Variants in LRRTM4 observed in about 807,000 individuals in gnomAD.
LRRTM4 encodes the protein leucine-rich repeat transmembrane neuronal protein 4.
LRRTM4 carries 25 observed loss-of-function variants against 47.6 expected under a neutral mutation model. The observed-to-expected ratio is 0.53, with a 90% CI of 0.38 to 0.73. LRRTM4 has a LOEUF of 0.73. Among genes scored for constraint, LRRTM4 ranks in the 30% least tolerant of loss-of-function variants. The pLI is 0.00. For synonymous variants in LRRTM4, 311 were observed against 269.5 expected (o/e 1.15, Z -1.51); for missense variants, 638 against 713.4 (o/e 0.89, Z 1.20).
intron 3 of LRRTM4, among the ~76,000 whole-genome samples, chr2:77,119,692 C>T (rs1184147384): frequency 6.6e-6 from 1 of 151,722 alleles, no homozygotes; most frequent in Non-Finnish European, 1.5e-5. Flanking sequence ...AAGAGCTAGC[C>T]AATGATATAA....
intron 3 of LRRTM4, among the ~76,000 whole-genome samples, chr2:76,950,289 C>A (rs1387139421): frequency 4.0e-5 from 6 of 151,892 alleles, no homozygotes; most frequent in African/African-American, 1.4e-4. Context: ...TACATTTTAG[C>A]TCACATATCC....
At chr2:77,069,902 G>A (rs1680094327) in intron 3 of LRRTM4, among the ~76,000 whole-genome samples, 1 of 152,152 alleles carries the variant, frequency 6.6e-6, no homozygotes, top group Non-Finnish European at 1.5e-5. Flanking sequence ...GCCTCAGGCA[G>A]CTGCAAAGTT....
At chr2:77,234,250 T>C (rs748005841) in intron 3 of LRRTM4, among the ~76,000 whole-genome samples, 1 of 152,216 alleles carries the variant, frequency 6.6e-6, no homozygotes, top group Non-Finnish European at 1.5e-5. Flanking sequence ...TCATTATTTT[T>C]AATATTTTGT....
intron 3 of LRRTM4, among the ~76,000 whole-genome samples, chr2:76,966,640 T>C (rs1200789273): frequency 6.6e-6 from 1 of 151,540 alleles, no homozygotes; most frequent in African/African-American, 2.4e-5. Flanking sequence ...TATCACCTTC[T>C]TGTCTTCCGT....
intron 3 of LRRTM4, among the ~76,000 whole-genome samples, chr2:76,970,258 A>G (rs1676172067): frequency 6.6e-6 from 1 of 152,018 alleles, no homozygotes; most frequent in African/African-American, 2.4e-5. Flanking sequence ...CAATATATAC[A>G]TATAACGAAG....
At chr2:77,425,703 C>T (rs1040731701) in intron 3 of LRRTM4, among the ~76,000 whole-genome samples, 3 of 152,174 alleles carry the variant, frequency 2.0e-5, no homozygotes, top group Non-Finnish European at 2.9e-5. Flanking sequence ...CCACTGCCTC[C>T]TTGACAAAGT....
intron 3 of LRRTM4, among the ~76,000 whole-genome samples, chr2:77,453,176 A>ATTTTTT (rs1162461607): frequency 2.5e-4 from 25 of 99,514 alleles, no homozygotes; most frequent in African/African-American, 3.5e-4. Flanking sequence ...TTTCTTCTTG[A>ATTTTTT]TTTTTTTTTT....
intron 3 of LRRTM4, among the ~76,000 whole-genome samples, chr2:77,085,617 T>C (rs1680685425): frequency 6.6e-6 from 1 of 152,142 alleles, no homozygotes; most frequent in Non-Finnish European, 1.5e-5. Flanking sequence ...GAAAATACTA[T>C]ATGAAATACC....
intron 3 of LRRTM4, among the ~76,000 whole-genome samples, chr2:77,079,606 A>C (rs1230110479): frequency 6.6e-6 from 1 of 152,182 alleles, no homozygotes; most frequent in Non-Finnish European, 1.5e-5. Flanking sequence ...CATTTGGCCC[A>C]ATGAAACCAA....
At chr2:77,445,456 C>A (rs1225360668) in intron 3 of LRRTM4, among the ~76,000 whole-genome samples, 1 of 151,904 alleles carries the variant, frequency 6.6e-6, no homozygotes, top group African/African-American at 2.4e-5. Context: ...TGTTATTTCT[C>A]TTTTGCTCGC....
At chr2:77,223,210 A>G (rs937339157) in intron 3 of LRRTM4, among the ~76,000 whole-genome samples, 2 of 152,134 alleles carry the variant, frequency 1.3e-5, no homozygotes, top group African/African-American at 4.8e-5. Context: ...GGTGTATCTC[A>G]AAAATATAAG....
intron 3 of LRRTM4, among the ~76,000 whole-genome samples, chr2:77,001,160 A>G (rs1470651799): frequency 1.3e-5 from 2 of 152,170 alleles, no homozygotes; most frequent in Non-Finnish European, 2.9e-5. Flanking sequence ...GGGCTGTAGT[A>G]GCTGTCATCT....
chr2:77,370,604 A>G (rs1041936644), intron 3 of LRRTM4, among the ~76,000 whole-genome samples: 24 of 151,420 alleles, frequency 1.6e-4, no homozygotes, highest in African/African-American at 5.8e-4. Context: ...TCTGTGGATG[A>G]CTAGCCAAAG....
chr2:76,982,694 G>A (rs892701515), intron 3 of LRRTM4, among the ~76,000 whole-genome samples: 1 of 151,978 alleles, frequency 6.6e-6, no homozygotes, highest in South Asian at 2.1e-4. Flanking sequence ...TACAAGCAAA[G>A]TCTGAAAGCC....
At position 76,832,593 on chromosome 2, in the gene LRRTM4, A is replaced by G. The variant is rs140428711; in HGVS notation, c.1552-83677T>C. On this transcript the variant is annotated intron_variant, in intron 3 of 3. Transcript: ENST00000409884. ...CTATTAGAGTTTGCATTTTCTCAAC[A>G]CATATCCAGTTTATTAAAGAAAGAT... 2.4e-3 allele frequency among the ~76,000 whole-genome samples: 361 copies of G among 151,834 alleles called. 6 individuals carry two copies. The highest frequency in any genetic ancestry group is 8.4e-3 in the African/African-American group (347 of 41,426).
intron 3 of LRRTM4, among the ~76,000 whole-genome samples, chr2:77,145,916 G>A (rs1014166580): frequency 7.3e-5 from 11 of 151,468 alleles, no homozygotes; most frequent in Admixed American, 1.3e-4. Flanking sequence ...TTATTCTTTC[G>A]AAAAAAAATT....
intron 3 of LRRTM4, among the ~76,000 whole-genome samples, chr2:76,842,163 G>C (rs750015533): frequency 1.4e-4 from 22 of 152,148 alleles, no homozygotes; most frequent in African/African-American, 4.6e-4. Context: ...GAGAACAAAA[G>C]GTTGAATTAA....
At chr2:77,100,031 A>AT (rs1558579921) in intron 3 of LRRTM4, among the ~76,000 whole-genome samples, 12 of 151,842 alleles carry the variant, frequency 7.9e-5, no homozygotes. Flanking sequence ...CTACTGATTG[A>AT]TTTTTCTCAT....
intron 3 of LRRTM4, among the ~76,000 whole-genome samples, chr2:76,853,721 T>C (rs938938228): frequency 6.6e-6 from 1 of 152,166 alleles, no homozygotes; most frequent in African/African-American, 2.4e-5. Flanking sequence ...GCATACAATA[T>C]ATCACAAAAG....
Sources: allele counts gnomAD v4.1 joint callset (sites outside exome capture counted in the v4.1 genomes callset), GRCh38; gene constraint gnomAD v4.1.1; transcripts MANE v1.5; gene names NCBI Gene and HGNC (gene_info 2026-07-23, HGNC 2026-07-21).